Variants in HDAC9 observed in about 807,000 individuals in gnomAD.
HDAC9 encodes MEF-2 interacting transcription repressor (MITR) protein.
Under a neutral mutation model 139.4 loss-of-function variants are expected in HDAC9, and 41 were observed. The observed-to-expected ratio is 0.29, with a 90% CI of 0.23 to 0.38. The LOEUF (loss-of-function observed/expected upper bound fraction) is 0.38, where lower values mean the gene tolerates loss of function less well. HDAC9 is among the 10% of genes least tolerant of loss of function. The pLI is 1.00. For synonymous variants in HDAC9, 517 were observed against 476.2 expected, an observed-to-expected ratio of 1.09 and a Z score of -1.12; for missense variants, 1,147 against 1,297.0, an observed-to-expected ratio of 0.88 and a Z score of 1.78.
At chr7:18,311,850 C>A (rs968375294) in intron 1 of HDAC9, among the ~76,000 whole-genome samples, 3 of 152,170 alleles carry the variant, frequency 2.0e-5, no homozygotes, top group Non-Finnish European at 4.4e-5. Context: ...CATTTGAAGG[C>A]ATCCTTTTAT....
intron 2 of HDAC9, among the ~76,000 whole-genome samples, chr7:18,561,188 C>T (rs1279267314): frequency 1.3e-5 from 2 of 152,180 alleles, no homozygotes; most frequent in Non-Finnish European, 1.5e-5. Flanking sequence ...TGGATGCTTT[C>T]GCATGTGCTT....
At chr7:18,391,094 A>G (rs1786434588) in intron 1 of HDAC9, among the ~76,000 whole-genome samples, 1 of 152,114 alleles carries the variant, frequency 6.6e-6, no homozygotes, top group Non-Finnish European at 1.5e-5. Flanking sequence ...ATCTCAAAGA[A>G]CAAAGTTCAG....
chr7:18,102,359 T>C (rs1216426114), intron 1 of HDAC9, among the ~76,000 whole-genome samples: 3 of 152,212 alleles, frequency 2.0e-5, no homozygotes, highest in African/African-American at 4.8e-5. Flanking sequence ...GCAAGAAGAC[T>C]AGAGTTACTT....
chr7:18,247,667 A>G (rs1478375732), intron 2 of HDAC9, among the ~76,000 whole-genome samples: 1 of 152,220 alleles, frequency 6.6e-6, no homozygotes, highest in Non-Finnish European at 1.5e-5. Context: ...TTTCTTAATT[A>G]TTCTAACAAA....
intron 1 of HDAC9, among the ~76,000 whole-genome samples, chr7:18,136,259 T>G (rs1785409904): frequency 2.0e-5 from 3 of 151,124 alleles, no homozygotes; most frequent in African/African-American, 7.3e-5. Context: ...AGGTTGCCTG[T>G]TCACTCTGAT....
chr7:18,782,619 C>A (rs1407128133), intron 16 of HDAC9, among the ~76,000 whole-genome samples: 3 of 152,000 alleles, frequency 2.0e-5, no homozygotes, highest in African/African-American at 7.2e-5. Context: ...GGAGGTAGTT[C>A]CTGGCTTCCA....
At chr7:18,531,215 A>G (rs1808822943) in intron 2 of HDAC9, among the ~76,000 whole-genome samples, 1 of 152,150 alleles carries the variant, frequency 6.6e-6, no homozygotes, top group Non-Finnish European at 1.5e-5. Flanking sequence ...AACCTCAGGA[A>G]GAATAATTCT....
chr7:18,657,173 A>G (rs1160673649), intron 11 of HDAC9, among the ~76,000 whole-genome samples: 1 of 152,170 alleles, frequency 6.6e-6, no homozygotes, highest in Non-Finnish European at 1.5e-5. Context: ...TATCCTGGTT[A>G]TTAATCTCTT....
intron 6 of HDAC9, among the ~76,000 whole-genome samples, chr7:18,620,250 G>A (rs918055087): frequency 1.7e-4 from 26 of 151,874 alleles, no homozygotes; most frequent in African/African-American, 2.9e-4. Context: ...GCTGTTAATC[G>A]AATGTAATTA....
intron 2 of HDAC9, among the ~76,000 whole-genome samples, chr7:18,216,326 A>G (rs1184404934): frequency 1.3e-5 from 2 of 152,166 alleles, no homozygotes; most frequent in Non-Finnish European, 2.9e-5. Flanking sequence ...TTATTAGATA[A>G]TCAGTAATAT....
chr7:18,152,797 C>A (rs1052738024), intron 1 of HDAC9, among the ~76,000 whole-genome samples: 2 of 152,288 alleles, frequency 1.3e-5, no homozygotes, highest in African/African-American at 4.8e-5. Flanking sequence ...TTGTTCTTAA[C>A]TTGAATATAA....
rs780130723 is a variant in HDAC9, at chr7:18,874,547, A to G, written c.2754A>G (p.Ala918=). 4.4e-5 allele frequency: 70 copies of G among 1,596,254 alleles called. No individual in the cohort carries two copies. Among genetic ancestry groups the G allele is most frequent in the Non-Finnish European group, 5.6e-5 (66 of 1,170,502 alleles). The part of the protein sequence containing the change: ...DMVLVSAGFD[A]LEGHTPPLGG... Reference sequence around the variant, plus strand: ...TCTTAGTATCTGCTGGATTTGATGCATTGGAAGGCCACACCCCTCCTCTAG... The same window carrying G: ...TCTTAGTATCTGCTGGATTTGATGCGTTGGAAGGCCACACCCCTCCTCTAG... The change falls in exon 22 of 26, where the codon GCA becomes GCG. Residue 918 remains alanine (A), a synonymous_variant. Coordinates refer to ENST00000686413, the MANE Select transcript of HDAC9 (RefSeq NM_178425.4).
At chr7:18,605,442 G>A (rs1383671479) in intron 6 of HDAC9, among the ~76,000 whole-genome samples, 1 of 152,068 alleles carries the variant, frequency 6.6e-6, no homozygotes. Flanking sequence ...ATTTTCCCTT[G>A]GAGAGTAGGC....
chr7:18,420,523 G>T (rs1278182561), intron 1 of HDAC9, among the ~76,000 whole-genome samples: 1 of 152,024 alleles, frequency 6.6e-6, no homozygotes, highest in Non-Finnish European at 1.5e-5. Context: ...TCTTGATAAA[G>T]ATTTTTCATA....
rs567701435 is a variant in HDAC9, at chr7:18,374,046, A to C, written c.-42+83531A>C. ...AATCACAAAATGGAGTTAAAATGTC[A>C]CTAGTTCCCTCTCGGATGTGTTTCT... On this transcript the variant is annotated intron_variant, in intron 1 of 3. Coordinates refer to the HDAC9 transcript ENST00000413509. Among the ~76,000 whole-genome samples, 655 of 151,952 alleles carry C rather than the reference A, an allele frequency of 4.3e-3. 4 individuals carry two copies. The highest frequency in any genetic ancestry group is 6.8e-3 in the Non-Finnish European group (460 of 67,832).
At chr7:18,863,227 C>A (rs1798242492) in intron 21 of HDAC9, among the ~76,000 whole-genome samples, 1 of 152,124 alleles carries the variant, frequency 6.6e-6, no homozygotes, top group African/African-American at 2.4e-5. Context: ...CCAAGAAAAT[C>A]TGACCTCCAA....
chr7:18,373,620 C>A (rs535303215), intron 1 of HDAC9, among the ~76,000 whole-genome samples: 8 of 152,064 alleles, frequency 5.3e-5, no homozygotes, highest in Non-Finnish European at 1.0e-4. Flanking sequence ...AGATTCCATG[C>A]CAGGAATTGA....
intron 16 of HDAC9, among the ~76,000 whole-genome samples, chr7:18,777,260 A>G (rs1790850525): frequency 6.6e-6 from 1 of 152,056 alleles, no homozygotes; most frequent in African/African-American, 2.4e-5. Context: ...GGGCAGCTGC[A>G]AATTATATAC....
chr7:18,580,477 C>A (rs1583635875), intron 2 of HDAC9, among the ~76,000 whole-genome samples: 1 of 152,140 alleles, frequency 6.6e-6, no homozygotes, highest in East Asian at 1.9e-4. Flanking sequence ...ATAAATATAG[C>A]ATACATTTGC....
Sources: allele counts gnomAD v4.1 joint callset (sites outside exome capture counted in the v4.1 genomes callset), GRCh38; gene constraint gnomAD v4.1.1; transcripts MANE v1.5; gene names NCBI Gene and HGNC (gene_info 2026-07-23, HGNC 2026-07-21).